SACS: variants seen among roughly 807,000 people sequenced by gnomAD.
SACS encodes sacsin molecular chaperone, also known as sacsin.
SACS carries 197 observed loss-of-function variants against 348.0 expected under a neutral mutation model. The ratio of observed to expected loss-of-function variants is 0.57; its 90% CI spans 0.50 to 0.64. SACS has a LOEUF of 0.64. Among genes scored for constraint, SACS ranks in the 30% least tolerant of loss-of-function variants. The pLI is 0.00. For missense variants in SACS, 4,999 were observed against 5,360.8 expected, an observed-to-expected ratio of 0.93 and a Z score of 2.11; for synonymous variants, 1,985 against 1,910.6, an observed-to-expected ratio of 1.04 and a Z score of -1.02.
At chr13:23,417,680 G>A (rs947852717) in intron 1 of SACS, among the ~76,000 whole-genome samples, 2 of 152,156 alleles carry the variant, frequency 1.3e-5, no homozygotes, top group Non-Finnish European at 2.9e-5. Context: ...ATTTTAGAAG[G>A]AAGTGGAACA....
In SACS at chr13:23,340,315, A is replaced by G; in HGVS notation, c.3561T>C (p.Cys1187=). 6.2e-7 allele frequency: 1 copy of G among 1,614,038 alleles called. No homozygotes were observed. Among genetic ancestry groups the G allele is most frequent in the Non-Finnish European group, 8.5e-7 (1 of 1,179,974 alleles). The change falls in exon 10 of 10, where the codon TGT becomes TGC. Residue 1187 remains cysteine, a synonymous_variant. Transcript: ENST00000382292. ...CAATGAGAATTGCATGGCCTACATC[A>G]CACATATCTGGTGGTGCACAGAGAT... The part of the protein sequence containing the change: ...LCNLCAPPDM[C]DVGHAILIGS...
chr13:23,424,209 CAT>C (rs1190791251), intron 1 of SACS, among the ~76,000 whole-genome samples: 11 of 152,172 alleles, frequency 7.2e-5, no homozygotes, highest in African/African-American at 2.7e-4. Flanking sequence ...AATTTCCAAA[CAT>C]ATGTTTTGGA....
chr13:23,387,512 T>C (rs1046722231), intron 2 of SACS, among the ~76,000 whole-genome samples: 12 of 150,276 alleles, frequency 8.0e-5, no homozygotes, highest in Non-Finnish European at 1.5e-4. Context: ...AAGGTATTCC[T>C]GGACTTGCCA....
At chr13:23,430,510 T>G (rs1182801062) in intron 1 of SACS, among the ~76,000 whole-genome samples, 1 of 152,210 alleles carries the variant, frequency 6.6e-6, no homozygotes, top group African/African-American at 2.4e-5. Flanking sequence ...TGTAATCCTA[T>G]CAGGGTTTTT....
At position 23,355,902 on chromosome 13, in the gene SACS, C is replaced by T. The variant is rs1184134604; in HGVS notation, c.710G>A (p.Ser237Asn). Reference sequence around the variant, plus strand: ...GTCTGAAAGTTCACTAATTTCTTTGCTGTCATCTTTGAGATTCCAACATTG... The same window carrying T: ...GTCTGAAAGTTCACTAATTTCTTTGTTGTCATCTTTGAGATTCCAACATTG... ...SGQCWNLKDD[S>N]KEISELSDQF... The change falls in exon 8 of 10, where the codon AGC becomes AAC. Residue 237 changes from serine to asparagine, a missense_variant. Physicochemically the swap from Ser to Asn is conservative, Grantham distance 46. Around this residue, in one of 6 missense-constraint regions of SACS, gnomAD observed 3,156 missense variants for 3,380.1 expected, o/e 0.93. Coordinates refer to ENST00000382292, the MANE Select transcript of SACS (RefSeq NM_014363.6). 3.7e-6 allele frequency: 6 copies of T among 1,614,148 alleles called. 1 individual carries two copies. The South Asian group carries it at 6.6e-5, about 18-fold the overall frequency.
intron 2 of SACS, among the ~76,000 whole-genome samples, chr13:23,378,454 G>A (rs371635430): frequency 6.6e-6 from 1 of 152,038 alleles, no homozygotes; most frequent in Non-Finnish European, 1.5e-5. Context: ...CACCACCTTT[G>A]ATTAAACATC....
chr13:23,431,800 A>G (rs1451947080), intron 1 of SACS, among the ~76,000 whole-genome samples: 1 of 152,226 alleles, frequency 6.6e-6, no homozygotes, highest in Non-Finnish European at 1.5e-5. Context: ...CTGAATATGT[A>G]TTTTGTACTG....
intron 1 of SACS, chr13:23,428,046 C>A (rs1335113656): frequency 1.3e-5 from 2 of 152,202 alleles, no homozygotes; most frequent in Non-Finnish European, 2.9e-5. Flanking sequence ...GCAGCTGCAC[C>A]TGGCAGAACA....
intron 1 of SACS, among the ~76,000 whole-genome samples, chr13:23,419,558 T>A (rs762115101): frequency 6.6e-6 from 1 of 152,170 alleles, no homozygotes; most frequent in African/African-American, 2.4e-5. Flanking sequence ...CCTTTACTTC[T>A]TGGATTTCTT....
At chr13:23,375,556 A>C (rs941201889) in intron 2 of SACS, 1 of 1,052,706 alleles carries the variant, frequency 9.5e-7, no homozygotes, top group African/African-American at 1.7e-5. Context: ...GGGGGCGGGG[A>C]CTGCGCGCTC....
chr13:23,403,115 T>G (rs888639261), intron 2 of SACS, among the ~76,000 whole-genome samples: 14 of 126,912 alleles, frequency 1.1e-4, no homozygotes, highest in Admixed American at 3.2e-4. Flanking sequence ...AAGGTGGAGG[T>G]TGCAGTGAGC....
intron 3 of SACS, among the ~76,000 whole-genome samples, chr13:23,374,745 A>G (rs899478558): frequency 5.3e-5 from 8 of 152,222 alleles, no homozygotes; most frequent in African/African-American, 1.9e-4. Flanking sequence ...AAAACTTCCA[A>G]TATATCAAAG....
chr13:23,429,027 C>T (rs1392296177), intron 1 of SACS, among the ~76,000 whole-genome samples: 1 of 152,056 alleles, frequency 6.6e-6, no homozygotes, highest in African/African-American at 2.4e-5. Flanking sequence ...TTAGGTTTGC[C>T]TTCAAAAGCT....
chr13:23,391,906 A>T (rs1270812652), intron 2 of SACS, among the ~76,000 whole-genome samples: 3 of 152,162 alleles, frequency 2.0e-5, no homozygotes, highest in East Asian at 1.9e-4. Flanking sequence ...TCATGTGCAC[A>T]TGGAACATGG....
chr13:23,340,013 G>A lies in SACS; in HGVS notation c.3863C>T (p.Ala1288Val). The A allele has an allele frequency of 1.2e-6, 2 of 1,613,606 alleles. No homozygotes were observed. Among genetic ancestry groups the A allele is most frequent in the Non-Finnish European group, 1.7e-6 (2 of 1,179,844 alleles). ...VWTGKKFCPL[A>V]QAVIKPIHDL... ...ATGGATTGGTTTAATCACAGCCTGG[G>A]CAAGTGGACAAAACTTTTTGCCAGT... Residue 1288 changes from alanine to valine, a missense_variant, in exon 10 of 10, where the codon GCC becomes GTC. By Grantham distance (64) the Ala-to-Val change is moderately conservative. Coordinates refer to ENST00000382292, the MANE Select transcript of SACS (RefSeq NM_014363.6).
chr13:23,358,586 G>A (rs1363580960), intron 6 of SACS, 105 bp from the exon 7 acceptor site: 1 of 1,228,810 alleles, frequency 8.1e-7, no homozygotes, highest in Non-Finnish European at 1.2e-6. Context: ...AGGGAAAATA[G>A]AGAGGAGTGA....
chr13:23,350,211 G>A (rs570143171), intron 9 of SACS, among the ~76,000 whole-genome samples: 13 of 152,238 alleles, frequency 8.5e-5, no homozygotes, highest in Admixed American at 6.5e-4. Context: ...AACTAGTGAC[G>A]TCAGCCAGAC....
At chr13:23,418,783 A>G (rs1873789100) in intron 1 of SACS, among the ~76,000 whole-genome samples, 1 of 152,088 alleles carries the variant, frequency 6.6e-6, no homozygotes, top group South Asian at 2.1e-4. Flanking sequence ...GAGGTTAGAG[A>G]CCTGAGCCAG....
intron 9 of SACS, among the ~76,000 whole-genome samples, chr13:23,353,280 A>C (rs922484677): frequency 2.0e-5 from 3 of 152,212 alleles, no homozygotes; most frequent in Non-Finnish European, 4.4e-5. Context: ...AAGCTGATCA[A>C]GCCTAATGCA....
Sources: allele counts gnomAD v4.1 joint callset (sites outside exome capture counted in the v4.1 genomes callset), GRCh38; gene constraint gnomAD v4.1.1; regional missense constraint gnomAD v4.1.1; transcripts MANE v1.5; gene names NCBI Gene and HGNC (gene_info 2026-07-23, HGNC 2026-07-21).